Variants in POU6F2 observed in about 807,000 individuals in gnomAD.
POU6F2 encodes the protein POU domain, class 6, transcription factor 2.
In POU6F2, 31 loss-of-function variants were observed where a neutral mutation model predicts 71.3. The ratio of observed to expected loss-of-function variants is 0.43; its 90% CI spans 0.33 to 0.59. The LOEUF (loss-of-function observed/expected upper bound fraction) is 0.59. Ranked by LOEUF, POU6F2 falls within the 20% of genes least tolerant of loss-of-function variation. The pLI is 0.04. For missense variants in POU6F2, 783 were observed against 856.8 expected (o/e 0.91, Z 1.07); for synonymous variants, 347 against 355.7 (o/e 0.98, Z 0.27).
intron 4 of POU6F2, among the ~76,000 whole-genome samples, chr7:39,290,319 C>T (rs906841920): frequency 6.6e-6 from 1 of 152,168 alleles, no homozygotes; most frequent in South Asian, 2.1e-4. Flanking sequence ...CTCTCCCTTG[C>T]ACCTTTCGCT....
intron 1 of POU6F2, among the ~76,000 whole-genome samples, chr7:38,991,488 C>A (rs887800685): frequency 1.3e-5 from 2 of 152,102 alleles, no homozygotes; most frequent in Non-Finnish European, 2.9e-5. Context: ...GTTTCTGCTT[C>A]CTACTGGGAG....
chr7:39,378,553 A>G lies in POU6F2; in HGVS notation c.973-28047A>G, dbSNP rs1384696983. Among the ~76,000 whole-genome samples, 4 of 151,798 alleles carry G rather than the reference A, an allele frequency of 2.6e-5. No individual in the cohort carries two copies. In the South Asian group the frequency reaches 8.3e-4, roughly 32 times the overall value. On this transcript the variant is annotated intron_variant, in intron 5 of 9. Coordinates refer to ENST00000518318, the MANE Select transcript of POU6F2 (RefSeq NM_001370959.1). ...GAAGACAGAGTTTAAGCAAGTCCTG[A>G]CTCTGCCTCAAAGTCTATGCTCCGT...
intron 2 of POU6F2, among the ~76,000 whole-genome samples, chr7:39,159,223 C>T (rs1389240442): frequency 6.6e-6 from 1 of 152,028 alleles, no homozygotes; most frequent in Non-Finnish European, 1.5e-5. Flanking sequence ...TGCCCTCCTC[C>T]AGTGTCACAT....
intron 2 of POU6F2, among the ~76,000 whole-genome samples, chr7:39,154,327 C>T (rs567635080): frequency 2.6e-5 from 4 of 151,974 alleles, no homozygotes; most frequent in East Asian, 1.9e-4. Context: ...TTTAGGACCC[C>T]GGTATATAAG....
chr7:38,986,346 C>T (rs536001184), intron 1 of POU6F2, among the ~76,000 whole-genome samples: 8 of 152,180 alleles, frequency 5.3e-5, no homozygotes, highest in Admixed American at 5.2e-4. Flanking sequence ...TGTTAAACAT[C>T]AAGTTTGTGG....
intron 4 of POU6F2, among the ~76,000 whole-genome samples, chr7:39,310,101 A>G (rs1388801569): frequency 6.6e-6 from 1 of 151,926 alleles, no homozygotes; most frequent in Non-Finnish European, 1.5e-5. Context: ...TGGAGCCTTA[A>G]CTCTGAATTC....
intron 7 of POU6F2, among the ~76,000 whole-genome samples, chr7:39,435,064 T>A (rs1236214828): frequency 1.3e-5 from 2 of 152,216 alleles, no homozygotes; most frequent in African/African-American, 2.4e-5. Flanking sequence ...TCCACGTCTT[T>A]GCTATTATAA....
At chr7:39,130,048 C>G (rs571647424) in intron 2 of POU6F2, among the ~76,000 whole-genome samples, 6 of 119,162 alleles carry the variant, frequency 5.0e-5, no homozygotes, top group Non-Finnish European at 9.6e-5. Flanking sequence ...GCCTGGGCGA[C>G]AGAGCGAGAC....
intron 1 of POU6F2, among the ~76,000 whole-genome samples, chr7:38,998,528 T>C (rs1156272143): frequency 6.6e-6 from 1 of 152,192 alleles, no homozygotes; most frequent in Non-Finnish European, 1.5e-5. Flanking sequence ...TGTCATGGGA[T>C]ACATAAATGC....
intron 4 of POU6F2, among the ~76,000 whole-genome samples, chr7:39,238,531 A>G (rs1220361628): frequency 6.6e-6 from 1 of 152,210 alleles, no homozygotes; most frequent in Non-Finnish European, 1.5e-5. Flanking sequence ...TAGTTGTAAC[A>G]AAGATTATGT....
chr7:39,036,621 T>G (rs1790070956), intron 1 of POU6F2, among the ~76,000 whole-genome samples: 1 of 151,968 alleles, frequency 6.6e-6, no homozygotes, highest in South Asian at 2.1e-4. Context: ...AGAATAAGTT[T>G]GTTTGTGAAA....
chr7:39,007,483 T>G (rs1178537593), intron 1 of POU6F2, among the ~76,000 whole-genome samples: 2 of 152,308 alleles, frequency 1.3e-5, no homozygotes, highest in East Asian at 1.9e-4. Context: ...AGGAACAGAA[T>G]TTATCTCCAG....
chr7:39,424,783 G>A (rs1193643990), intron 6 of POU6F2, among the ~76,000 whole-genome samples: 1 of 151,392 alleles, frequency 6.6e-6, no homozygotes, highest in Non-Finnish European at 1.5e-5. Flanking sequence ...ATACTATGCT[G>A]CATCTTAAAA....
At chr7:39,182,791 T>C (rs571935134) in intron 2 of POU6F2, among the ~76,000 whole-genome samples, 14 of 152,300 alleles carry the variant, frequency 9.2e-5, no homozygotes, top group African/African-American at 3.1e-4. Context: ...GTATCACCTG[T>C]TTGTTGATTG....
At chr7:38,995,954 A>C (rs1788722931) in intron 1 of POU6F2, among the ~76,000 whole-genome samples, 1 of 151,880 alleles carries the variant, frequency 6.6e-6, no homozygotes, top group Non-Finnish European at 1.5e-5. Context: ...TGTGGAAGAA[A>C]TGGAAGTGCT....
intron 2 of POU6F2, among the ~76,000 whole-genome samples, chr7:39,115,986 A>G (rs542457938): frequency 5.3e-4 from 80 of 152,318 alleles, no homozygotes; most frequent in African/African-American, 1.8e-3. Context: ...TAAGTAACTC[A>G]TTCACTGTCC....
At chr7:39,295,245 C>A (rs1784824641) in intron 4 of POU6F2, among the ~76,000 whole-genome samples, 1 of 151,590 alleles carries the variant, frequency 6.6e-6, no homozygotes, top group South Asian at 2.1e-4. Flanking sequence ...TGATTGAGTT[C>A]TGTAAGCAAC....
rs1197897660 is a variant in POU6F2 at position 39,467,661 on chromosome 7, A to T, written c.*2975A>T. The stretch of plus-strand genomic sequence containing the variant: ...ATATTTTGAACAATTGAAACTTTTA[A>T]TTGCATTTGCAAGGTTTTGGCTTCT... On this transcript the variant is annotated 3_prime_UTR_variant, in exon 10 of 10. Coordinates refer to ENST00000518318, the MANE Select transcript of POU6F2 (RefSeq NM_001370959.1). 6.6e-6 allele frequency: 1 copy of T among 152,194 alleles called. No individual in the cohort carries two copies. The highest frequency in any genetic ancestry group is 1.5e-5 in the Non-Finnish European group (1 of 68,030). The allele number at this position is 152,194 out of a possible 1,614,324, so 9.4% of individuals were successfully genotyped here. A position where few individuals can be genotyped will look rare whatever the true frequency, so the allele number is the denominator to read the frequency against.
intron 2 of POU6F2, among the ~76,000 whole-genome samples, chr7:39,141,585 A>G (rs71536631): frequency 0.03 from 4,520 of 152,314 alleles, 92 homozygotes; most frequent in Middle Eastern, 0.078. Flanking sequence ...TTTCCACTTC[A>G]ACCCTTAAAA....
Sources: allele counts gnomAD v4.1 joint callset (sites outside exome capture counted in the v4.1 genomes callset), GRCh38; gene constraint gnomAD v4.1.1; transcripts MANE v1.5; gene names NCBI Gene and HGNC (gene_info 2026-07-23, HGNC 2026-07-21).